UGGT1: variants seen among roughly 807,000 people sequenced by gnomAD.
UGGT1 encodes the protein UDP-glucose:glycoprotein glucosyltransferase 1.
In UGGT1, 107 loss-of-function variants were observed where a neutral mutation model predicts 203.9. The ratio of observed to expected loss-of-function variants is 0.52; its 90% CI spans 0.45 to 0.62. UGGT1 has a LOEUF of 0.62. Among genes scored for constraint, UGGT1 ranks in the 20% least tolerant of loss-of-function variants. The pLI, the probability that UGGT1 is intolerant of heterozygous loss-of-function variation, is 0.00. For synonymous variants in UGGT1, 628 were observed against 653.5 expected (o/e 0.96, Z 0.59); for missense variants, 1,673 against 1,867.2 (o/e 0.90, Z 1.92).
At chr2:128,182,410 T>C in intron 37 of UGGT1, 120 bp downstream of exon 37, 1 of 1,290,188 alleles carries the variant, frequency 7.8e-7, no homozygotes, top group East Asian at 2.6e-5. Flanking sequence ...TGATAAAAAA[T>C]ACACAGTGGC....
chr2:128,185,450 G>A (rs1420013967), intron 38 of UGGT1, among the ~76,000 whole-genome samples: 34 of 146,840 alleles, frequency 2.3e-4, no homozygotes, highest in Non-Finnish European at 3.6e-4. Context: ...GATTGCAGGT[G>A]TGAGCCACCG....
chr2:128,112,350 G>C (rs1435928164), intron 5 of UGGT1, among the ~76,000 whole-genome samples: 1 of 147,676 alleles, frequency 6.8e-6, no homozygotes, highest in African/African-American at 2.5e-5. Flanking sequence ...GAACCCAGGA[G>C]GGAGAGTTGC....
chr2:128,176,746 GCT>G (rs1691415939), intron 31 of UGGT1, 66 bp from the exon 32 acceptor site: 1 of 1,415,508 alleles, frequency 7.1e-7, no homozygotes, highest in African/African-American at 1.4e-5. Flanking sequence ...GGACTCAGAT[GCT>G]CTGAGAGCAT....
Position 128,110,735 on chromosome 2 carries a change from T to C in UGGT1, c.521+989T>C, listed in dbSNP as rs73955908. 5.1e-3 allele frequency among the ~76,000 whole-genome samples: 776 copies of C among 152,316 alleles called. 10 individuals are homozygous for C. Among genetic ancestry groups the C allele is most frequent in the African/African-American group, 0.016 (685 of 41,568 alleles). ...TTTTCTATGGTTTTAAATTTATACA[T>C]GTAGGTAGTTTTATTTTTATAAAAG... On this transcript the variant is annotated intron_variant, in intron 5 of 40. Transcript: ENST00000259253.
chr2:128,185,882 A>G (rs1290034952), intron 38 of UGGT1, among the ~76,000 whole-genome samples: 1 of 152,114 alleles, frequency 6.6e-6, no homozygotes, highest in Non-Finnish European at 1.5e-5. Context: ...ACAATGGAAC[A>G]TTTTATTGTG....
At chr2:128,104,084 TAG>T (rs752004425) in intron 3 of UGGT1, 70 bp downstream of exon 3, 60 of 1,234,282 alleles carry the variant, frequency 4.9e-5, no homozygotes, top group Non-Finnish European at 5.7e-5. Context: ...TGTCTCTTTA[TAG>T]TATGTGTGGC....
At chr2:128,166,109 A>G (rs1690778185) in intron 26 of UGGT1, among the ~76,000 whole-genome samples, 1 of 152,164 alleles carries the variant, frequency 6.6e-6, no homozygotes, top group African/African-American at 2.4e-5. Context: ...TTGTTTTGAA[A>G]AGTTTAAAAC....
At chr2:128,118,744 G>C (rs1195943822) in intron 8 of UGGT1, among the ~76,000 whole-genome samples, 1 of 151,938 alleles carries the variant, frequency 6.6e-6, no homozygotes, top group Admixed American at 6.6e-5. Context: ...TTTGAGACAG[G>C]CTCAGTCTGT....
In UGGT1 at chr2:128,139,150, G is replaced by T. The variant is rs191789219; in HGVS notation, c.1719+298G>T. ...CAAAAGAAGTCACTCAGAATAGTAA[G>T]TATTTTATACTTTGTTATTTTATTC... On this transcript the variant is annotated intron_variant, in intron 16 of 40. Coordinates refer to ENST00000259253, the MANE Select transcript of UGGT1 (RefSeq NM_020120.4). 2.0e-5 allele frequency among the ~76,000 whole-genome samples: 3 copies of T among 152,192 alleles called. No individual in the cohort carries two copies. The South Asian group carries it at 6.2e-4, about 31-fold the overall frequency.
Position 128,134,923 on chromosome 2 carries a change from C to T in UGGT1, c.1545C>T (p.Asn515=). The T allele has an allele frequency of 6.2e-7, 1 of 1,613,978 alleles. No individual in the cohort carries two copies. Among genetic ancestry groups the T allele is most frequent in the Non-Finnish European group, 8.5e-7 (1 of 1,179,980 alleles). Residue 515 remains asparagine (N), a synonymous_variant, in exon 15 of 41, where the codon AAC becomes AAT. Coordinates refer to ENST00000259253, the MANE Select transcript of UGGT1 (RefSeq NM_020120.4). ...ATGAGACCACAGCAGAGTTGATGAA[C>T]ACAGCTGAGATGTTCCTTAGTAATC... ...PAHETTAELM[N]TAEMFLSNHI... is the part of the protein sequence containing the mutation.
intron 18 of UGGT1, 50 bp downstream of exon 18, chr2:128,146,017 T>A (rs1558792239): frequency 1.2e-6 from 2 of 1,606,890 alleles, no homozygotes; most frequent in Non-Finnish European, 1.7e-6. Context: ...TTGGCTTATA[T>A]TTTTTGTTGC....
intron 39 of UGGT1, chr2:128,187,137 G>C: frequency 3.5e-6 from 1 of 289,628 alleles, no homozygotes; most frequent in East Asian, 6.5e-5. Flanking sequence ...AAATCCCTTA[G>C]CACTTAATGG....
intron 35 of UGGT1, among the ~76,000 whole-genome samples, 164 bp downstream of exon 35, chr2:128,180,034 A>G (rs1395752369): frequency 2.0e-5 from 3 of 152,216 alleles, no homozygotes; most frequent in African/African-American, 4.8e-5. Flanking sequence ...AGATTGGTCT[A>G]TTTGAAGGAA....
At position 128,183,720 on chromosome 2, in the gene UGGT1, TGGTGACAGACTCA is replaced by T. The variant is rs1337289929; in HGVS notation, c.4293_4305del (p.Arg1433SerfsTer5). 4 of 1,614,018 alleles carry T rather than the reference TGGTGACAGACTCA, an allele frequency of 2.5e-6. No individual in the cohort carries two copies. In the Admixed American group the frequency reaches 6.7e-5, roughly 27 times the overall value. On this transcript the variant is annotated frameshift_variant, in exon 38 of 41. Transcript: ENST00000259253. LOFTEE classifies it high-confidence loss of function. ...TGAAGAAGTTTAGGAAAATAGCTGC[TGGTGACAGACTCA>T]GGGGACAGTACCAAGGTCTGAGTCA...
chr2:128,112,454 T>TTATACATATATATATATATATA lies in UGGT1; in HGVS notation c.522-626_522-625insCATATATATATATATATATATA, dbSNP rs1553433489. ...AAAAAACCCCCCAAAAAATACTATGTTATATATATATATATATATTACATA... is the reference window on the plus strand; with the variant it reads ...AAAAAACCCCCCAAAAAATACTATGTTATACATATATATATATATATATATATATATATATATATATTACATA... On this transcript the variant is annotated intron_variant, in intron 5 of 40. Coordinates refer to ENST00000259253, the MANE Select transcript of UGGT1 (RefSeq NM_020120.4). Among the ~76,000 whole-genome samples the TTATACATATATATATATATATA allele has an allele frequency of 3.9e-4, 22 of 55,806 alleles. 3 individuals are homozygous for TTATACATATATATATATATATA. The highest frequency in any genetic ancestry group is 6.4e-4 in the Non-Finnish European group (17 of 26,600). The allele number at this position is 55,806 out of a possible 152,430, so 36.6% of individuals were successfully genotyped here. A position where few individuals can be genotyped will look rare whatever the true frequency, so the allele number is the denominator to read the frequency against.
intron 10 of UGGT1, among the ~76,000 whole-genome samples, chr2:128,122,041 A>G (rs1688404325): frequency 6.6e-6 from 1 of 152,192 alleles, no homozygotes; most frequent in Admixed American, 6.5e-5. Flanking sequence ...CATAGAGGCT[A>G]AGTGACTAGT....
intron 26 of UGGT1, among the ~76,000 whole-genome samples, chr2:128,166,845 A>C (rs1416912884): frequency 2.0e-5 from 3 of 152,144 alleles, no homozygotes; most frequent in Admixed American, 2.0e-4. Context: ...CCTGTGTCCT[A>C]TTCCTCTGTG....
At position 128,091,444 on chromosome 2, in the gene UGGT1, G is replaced by T. The variant is rs766247006; in HGVS notation, c.58+29G>T. On this transcript the variant is annotated intron_variant, in intron 1 of 40. Transcript: ENST00000259253. ...CCCAGGGGTGGCGTGAGGAGGCCTCGTGGACAAAGAGAGGGTTTGGGGCAC... is the reference window on the plus strand; with the variant it reads ...CCCAGGGGTGGCGTGAGGAGGCCTCTTGGACAAAGAGAGGGTTTGGGGCAC... The T allele has an allele frequency of 1.2e-5, 19 of 1,566,656 alleles. No homozygotes were observed. In the East Asian group the frequency reaches 4.5e-4, roughly 37 times the overall value.
intron 5 of UGGT1, among the ~76,000 whole-genome samples, chr2:128,112,767 A>G (rs1687929702): frequency 1.3e-5 from 2 of 151,406 alleles, no homozygotes; most frequent in South Asian, 4.2e-4. Flanking sequence ...TATTTATTGT[A>G]GAGTCGAGGT....
Sources: gnomAD v4.1 joint callset for allele counts (sites outside exome capture counted in the v4.1 genomes callset) on GRCh38, gnomAD v4.1.1 for gene constraint, MANE v1.5 for transcripts, NCBI Gene and HGNC (gene_info 2026-07-23, HGNC 2026-07-21) for gene names.